Variants in FAF1 observed in about 807,000 individuals in gnomAD.
FAF1 encodes Fas associated factor 1.
In FAF1, 25 loss-of-function variants were observed where a neutral mutation model predicts 92.5. That is an observed-to-expected ratio of 0.27 (90% confidence interval 0.20 to 0.38). The LOEUF is 0.38. Ranked by LOEUF, FAF1 falls within the 10% of genes least tolerant of loss-of-function variation. FAF1 has a pLI of 1.00. For synonymous variants in FAF1, 234 were observed against 273.2 expected (o/e 0.86, Z 1.42); for missense variants, 636 against 793.3 (o/e 0.80, Z 2.38).
chr1:50,924,282 G>GAAA (rs35291746), intron 1 of FAF1, among the ~76,000 whole-genome samples: 2 of 141,898 alleles, frequency 1.4e-5, no homozygotes, highest in African/African-American at 2.6e-5. Flanking sequence ...GGAACAATTT[G>GAAA]AAAAAAAAAA....
chr1:50,476,093 C>A (rs187381248), intron 17 of FAF1, among the ~76,000 whole-genome samples: 108 of 152,010 alleles, frequency 7.1e-4, no homozygotes, highest in African/African-American at 2.5e-3. Context: ...TTGAGAAATA[C>A]AAGTAGAAGT....
At chr1:50,533,626 A>G (rs1382167879) in intron 15 of FAF1, among the ~76,000 whole-genome samples, 1 of 152,204 alleles carries the variant, frequency 6.6e-6, no homozygotes, top group African/African-American at 2.4e-5. Context: ...TATGTTTCAC[A>G]TTTGCAATAC....
chr1:50,557,819 C>A (rs891376795), intron 13 of FAF1, among the ~76,000 whole-genome samples: 8 of 152,074 alleles, frequency 5.3e-5, no homozygotes, highest in Non-Finnish European at 1.0e-4. Context: ...GGAAACAAAT[C>A]TTTTCAGACC....
chr1:50,907,046 T>TA lies in FAF1; in HGVS notation c.46-49050dup, dbSNP rs528038841. On this transcript the variant is annotated intron_variant, in intron 1 of 18. Coordinates refer to ENST00000396153, the MANE Select transcript of FAF1 (RefSeq NM_007051.3). ...ATAAATAGCTCTTATTATCTTGAGATACGTCCCATCAACACCTAGTTTATT... is the reference window on the plus strand; with the variant it reads ...ATAAATAGCTCTTATTATCTTGAGATAACGTCCCATCAACACCTAGTTTATT... Among the ~76,000 whole-genome samples the TA allele has an allele frequency of 9.2e-5, 14 of 152,330 alleles. 1 individual carries two copies. In the South Asian group the frequency reaches 2.9e-3, roughly 32 times the overall value.
In FAF1 at chr1:50,908,341, A is replaced by G. The variant is rs1281092025; in HGVS notation, c.46-50344T>C. 2.6e-5 allele frequency among the ~76,000 whole-genome samples: 4 copies of G among 152,214 alleles called. No individual in the cohort carries two copies. In the East Asian group the frequency reaches 5.8e-4, roughly 22 times the overall value. ...TGTGATGTGGTGCTGAGAAGAATGT[A>G]TATTCTGCTGACCTGGGGTGGAGGG... is the stretch of plus-strand genomic sequence containing the variant. On this transcript the variant is annotated intron_variant, in intron 1 of 18. Coordinates refer to ENST00000396153, the MANE Select transcript of FAF1 (RefSeq NM_007051.3).
chr1:50,566,685 C>T (rs1269313106), intron 13 of FAF1, among the ~76,000 whole-genome samples: 1 of 152,020 alleles, frequency 6.6e-6, no homozygotes, highest in Admixed American at 6.6e-5. Context: ...GCAGAAAGTC[C>T]TGCCTTCTTC....
intron 7 of FAF1, among the ~76,000 whole-genome samples, chr1:50,671,404 C>CAA (rs548995973): frequency 2.5e-5 from 3 of 119,838 alleles, no homozygotes; most frequent in African/African-American, 3.0e-5. Context: ...GACTCCGTCT[C>CAA]AAAAAAAAAA....
chr1:50,773,322 A>G (rs2124549430), intron 4 of FAF1, among the ~76,000 whole-genome samples: 1 of 152,288 alleles, frequency 6.6e-6, no homozygotes, highest in South Asian at 2.1e-4. Flanking sequence ...CAGCCATCCC[A>G]CTTCTGAGTC....
chr1:50,607,928 G>C lies in FAF1; in HGVS notation c.745-11712C>G, dbSNP rs1652501512. Among the ~76,000 whole-genome samples the C allele has an allele frequency of 2.0e-5, 3 of 152,230 alleles. No homozygotes were observed. The South Asian group carries it at 6.2e-4, about 32-fold the overall frequency. ...CAAAACTAGGGCTTAGCACAGAAGG[G>C]TTCTTGGCTTTGCCCAGAAAAGAAT... On this transcript the variant is annotated intron_variant, in intron 8 of 18. Transcript: ENST00000396153.
intron 6 of FAF1, among the ~76,000 whole-genome samples, chr1:50,724,290 C>CACACACAT (rs1553132392): frequency 3.8e-5 from 4 of 106,124 alleles, no homozygotes; most frequent in Non-Finnish European, 7.8e-5. Flanking sequence ...CACACACACA[C>CACACACAT]ACACATACAC....
At chr1:50,622,484 A>C (rs1430076964) in intron 8 of FAF1, among the ~76,000 whole-genome samples, 1 of 152,174 alleles carries the variant, frequency 6.6e-6, no homozygotes, top group Non-Finnish European at 1.5e-5. Context: ...TCTCGGTAGA[A>C]GTGGCACTTC....
chr1:50,685,120 G>A (rs993517877), intron 7 of FAF1, among the ~76,000 whole-genome samples: 4 of 152,302 alleles, frequency 2.6e-5, no homozygotes, highest in African/African-American at 9.6e-5. Flanking sequence ...GAGGAGAAGG[G>A]GTAAGGCTGA....
chr1:50,905,888 T>C (rs12123602), intron 1 of FAF1, among the ~76,000 whole-genome samples: 2 of 152,166 alleles, frequency 1.3e-5, no homozygotes, highest in Non-Finnish European at 2.9e-5. Flanking sequence ...TTTAATTAGA[T>C]CCCGTTTGTC....
intron 7 of FAF1, among the ~76,000 whole-genome samples, chr1:50,673,760 A>G (rs1476071849): frequency 6.6e-6 from 1 of 152,216 alleles, no homozygotes; most frequent in Non-Finnish European, 1.5e-5. Flanking sequence ...TATATCCATT[A>G]CACATATACA....
intron 15 of FAF1, among the ~76,000 whole-genome samples, chr1:50,528,517 T>G (rs1056020738): frequency 1.3e-5 from 2 of 152,218 alleles, no homozygotes; most frequent in Non-Finnish European, 2.9e-5. Context: ...GATCAATTTT[T>G]ATATATTCAC....
intron 1 of FAF1, among the ~76,000 whole-genome samples, chr1:50,907,702 A>G (rs1027715281): frequency 1.1e-4 from 17 of 151,902 alleles, no homozygotes; most frequent in African/African-American, 3.6e-4. Flanking sequence ...GGTAGTTTGC[A>G]TTTCTGTGGG....
chr1:50,556,073 A>G (rs999600542), intron 13 of FAF1, among the ~76,000 whole-genome samples: 3 of 151,752 alleles, frequency 2.0e-5, no homozygotes, highest in Non-Finnish European at 4.4e-5. Context: ...CGTCTCCACT[A>G]AAAATACACA....
chr1:50,539,337 T>C (rs1421280131), intron 14 of FAF1, among the ~76,000 whole-genome samples: 5 of 152,366 alleles, frequency 3.3e-5, no homozygotes, highest in Non-Finnish European at 1.5e-5. Context: ...TTATACAATT[T>C]AGCAATTCTG....
At chr1:50,624,889 C>T (rs889777949) in intron 8 of FAF1, among the ~76,000 whole-genome samples, 2 of 150,092 alleles carry the variant, frequency 1.3e-5, no homozygotes, top group African/African-American at 5.0e-5. Context: ...GCACTAGAAT[C>T]CCACACTCTT....
Sources: allele counts gnomAD v4.1 joint callset (sites outside exome capture counted in the v4.1 genomes callset), GRCh38; gene constraint gnomAD v4.1.1; transcripts MANE v1.5; gene names NCBI Gene and HGNC (gene_info 2026-07-23, HGNC 2026-07-21).